The following KCNQ5 variants were observed in gnomAD, a reference collection of about 807,000 sequenced individuals.
The protein encoded by KCNQ5 is potassium voltage-gated channel subfamily Q member 5, also known as potassium voltage-gated channel subfamily KQT member 5.
A neutral mutation model predicts 98.2 loss-of-function variants in KCNQ5; 30 were observed. The observed-to-expected ratio is 0.31, with a 90% CI of 0.23 to 0.41. The LOEUF (loss-of-function observed/expected upper bound fraction) is 0.41. Among genes scored for constraint, KCNQ5 ranks in the 10% least tolerant of loss-of-function variants. KCNQ5 has a pLI of 1.00. For synonymous variants in KCNQ5, 458 were observed against 449.4 expected, an observed-to-expected ratio of 1.02 and a Z score of -0.24; for missense variants, 835 against 1,182.5, an observed-to-expected ratio of 0.71 and a Z score of 4.31.
At chr6:72,872,065 G>A (rs916959061) in intron 1 of KCNQ5, among the ~76,000 whole-genome samples, 6 of 152,172 alleles carry the variant, frequency 3.9e-5, no homozygotes, top group Non-Finnish European at 8.8e-5. Flanking sequence ...TCTTGACAGA[G>A]TTTCTTCAGT....
intron 1 of KCNQ5, among the ~76,000 whole-genome samples, chr6:72,734,875 A>C (rs1218639257): frequency 6.6e-6 from 1 of 152,192 alleles, no homozygotes; most frequent in Non-Finnish European, 1.5e-5. Context: ...AAGAGACTAG[A>C]TTGCTTGTTA....
intron 1 of KCNQ5, among the ~76,000 whole-genome samples, chr6:72,632,493 C>T (rs986688326): frequency 6.6e-6 from 1 of 151,840 alleles, no homozygotes; most frequent in East Asian, 1.9e-4. Flanking sequence ...GACGGGGGTA[C>T]TTGTGCAGGT....
intron 1 of KCNQ5, among the ~76,000 whole-genome samples, chr6:72,728,266 TATATAA>T (rs1170550346): frequency 6.6e-6 from 1 of 150,658 alleles, no homozygotes; most frequent in Non-Finnish European, 1.5e-5. Context: ...TCTCATTTTG[TATATAA>T]ATATAATTTT....
chr6:72,731,810 T>C (rs1385091279), intron 1 of KCNQ5, among the ~76,000 whole-genome samples: 1 of 152,208 alleles, frequency 6.6e-6, no homozygotes. Context: ...GGGAGACAAC[T>C]TCCAGTCCTG....
intron 3 of KCNQ5, chr6:73,055,662 G>A: frequency 8.9e-7 from 1 of 1,124,728 alleles, no homozygotes; most frequent in East Asian, 2.4e-5. Context: ...AGCCTCTGGG[G>A]CACTGACAAG....
intron 1 of KCNQ5, among the ~76,000 whole-genome samples, chr6:72,623,426 G>GTGTGTGTGTGTGTGTA (rs1474779033): frequency 1.3e-5 from 2 of 151,804 alleles, no homozygotes; most frequent in African/African-American, 2.4e-5. Context: ...GTGTGTGTGT[G>GTGTGTGTGTGTGTGTA]TAGTAAGCCT....
At chr6:73,057,606 T>C (rs1245739619) in intron 3 of KCNQ5, among the ~76,000 whole-genome samples, 1 of 152,064 alleles carries the variant, frequency 6.6e-6, no homozygotes, top group African/African-American at 2.4e-5. Flanking sequence ...TCTGAGATGA[T>C]ATAAATAAAA....
At chr6:73,147,523 A>G (rs150418468) in intron 10 of KCNQ5, among the ~76,000 whole-genome samples, 1 of 152,240 alleles carries the variant, frequency 6.6e-6, no homozygotes, top group African/African-American at 2.4e-5. Context: ...AAATAATACT[A>G]TGTATCAGGG....
At chr6:73,119,819 T>C (rs1775670249) in intron 7 of KCNQ5, among the ~76,000 whole-genome samples, 1 of 152,224 alleles carries the variant, frequency 6.6e-6, no homozygotes, top group Non-Finnish European at 1.5e-5. Context: ...CTATCTTGGA[T>C]ATTAGCATTT....
At chr6:72,920,638 C>G (rs1007240394) in intron 1 of KCNQ5, among the ~76,000 whole-genome samples, 1 of 152,190 alleles carries the variant, frequency 6.6e-6, no homozygotes, top group African/African-American at 2.4e-5. Flanking sequence ...GCCTGACAAT[C>G]TCTTTTTCTA....
chr6:72,699,101 TTATAGA>T (rs746484142), intron 1 of KCNQ5, among the ~76,000 whole-genome samples: 48 of 152,278 alleles, frequency 3.2e-4, no homozygotes, highest in South Asian at 1.2e-3. Flanking sequence ...TGGCTGAATC[TTATAGA>T]TAAGGATGGC....
In KCNQ5 at chr6:72,622,345, C is replaced by T. The variant is rs371997109; in HGVS notation, c.156C>T (p.Ala52=). The change falls in exon 1 of 14, where the codon GCC becomes GCT. Residue 52 remains alanine, a synonymous_variant. Transcript: ENST00000370398. The surrounding 1 kb of genome is among the most constrained non-coding windows in gnomAD (Gnocchi z 6.0). ...GCAGGGTGCTGCTGAACTCGGCAGCCGCCAGGGGCGACGGCCTGCTACTGC... is the reference window on the plus strand; with the variant it reads ...GCAGGGTGCTGCTGAACTCGGCAGCTGCCAGGGGCGACGGCCTGCTACTGC... ...GRGRVLLNSA[A]ARGDGLLLLG... 1.6e-5 allele frequency: 23 copies of T among 1,431,778 alleles called. No homozygotes were observed. The African/African-American group carries it at 2.5e-4, about 16-fold the overall frequency. 88.7% of individuals were successfully genotyped at this position (1,431,778 alleles called of 1,614,324 possible).
At chr6:72,844,062 G>C (rs138395435) in intron 1 of KCNQ5, among the ~76,000 whole-genome samples, 1 of 152,122 alleles carries the variant, frequency 6.6e-6, no homozygotes, top group Non-Finnish European at 1.5e-5. Flanking sequence ...TGTAGATGAC[G>C]GTTTGATGGG....
chr6:72,921,871 C>A (rs1213648602), intron 1 of KCNQ5, among the ~76,000 whole-genome samples: 1 of 152,146 alleles, frequency 6.6e-6, no homozygotes, highest in East Asian at 1.9e-4. Context: ...CTAAACCCAA[C>A]TTGGCTTTAT....
intron 1 of KCNQ5, among the ~76,000 whole-genome samples, chr6:72,817,700 C>G (rs1775564010): frequency 6.6e-6 from 1 of 152,122 alleles, no homozygotes; most frequent in African/African-American, 2.4e-5. Context: ...GTGAAACTAG[C>G]CTGACCATTA....
intron 1 of KCNQ5, among the ~76,000 whole-genome samples, chr6:72,724,443 G>C (rs1327481515): frequency 6.6e-6 from 1 of 152,086 alleles, no homozygotes. Context: ...AGGCAATTGG[G>C]AGTTTCCCCT....
intron 1 of KCNQ5, among the ~76,000 whole-genome samples, chr6:72,664,610 G>A (rs537567050): frequency 6.6e-6 from 1 of 151,974 alleles, no homozygotes; most frequent in South Asian, 2.1e-4. Flanking sequence ...AGCTGAGATC[G>A]TACCCACTGC....
chr6:73,007,119 T>A (rs554369802), intron 2 of KCNQ5, among the ~76,000 whole-genome samples: 22 of 152,316 alleles, frequency 1.4e-4, no homozygotes, highest in African/African-American at 5.3e-4. Flanking sequence ...CCATCCAGAA[T>A]GGCACTGCCA....
intron 10 of KCNQ5, chr6:73,157,768 T>C: frequency 1.3e-6 from 1 of 778,514 alleles, no homozygotes; most frequent in Admixed American, 1.7e-5. Context: ...CTAGGTGGGG[T>C]GCATGTTGGT....
Sources: allele counts gnomAD v4.1 joint callset (sites outside exome capture counted in the v4.1 genomes callset), GRCh38; gene constraint gnomAD v4.1.1; non-coding constraint Gnocchi (gnomAD v3.1); transcripts MANE v1.5; gene names NCBI Gene and HGNC (gene_info 2026-07-23, HGNC 2026-07-21).